PDE4D: variants seen among roughly 807,000 people sequenced by gnomAD.
PDE4D encodes the protein phosphodiesterase 4D.
Under a neutral mutation model 87.4 loss-of-function variants are expected in PDE4D, and 24 were observed. The observed-to-expected ratio is 0.27, with a 90% confidence interval of 0.20 to 0.39. The LOEUF (loss-of-function observed/expected upper bound fraction) is 0.39, where lower values mean the gene tolerates loss of function less well. PDE4D is among the 10% of genes least tolerant of loss of function. PDE4D has a pLI of 1.00. For missense variants in PDE4D, 714 were observed against 1,041.0 expected, an observed-to-expected ratio of 0.69 and a Z score of 4.32; for synonymous variants, 384 against 383.2, an observed-to-expected ratio of 1.00 and a Z score of -0.02.
chr5:60,211,373 G>A (rs1289501878), intron 1 of PDE4D, among the ~76,000 whole-genome samples: 1 of 151,724 alleles, frequency 6.6e-6, no homozygotes, highest in Non-Finnish European at 1.5e-5. Context: ...CAGGGCACTG[G>A]GGACGGGTCC....
intron 1 of PDE4D, among the ~76,000 whole-genome samples, chr5:59,794,686 AAAAC>A (rs869143190): frequency 1.3e-5 from 2 of 152,332 alleles, no homozygotes; most frequent in East Asian, 1.9e-4. Context: ...AAAATATAAT[AAAAC>A]AAACAAAACA....
intron 1 of PDE4D, among the ~76,000 whole-genome samples, chr5:59,418,885 A>G (rs536346425): frequency 6.6e-6 from 1 of 152,150 alleles, no homozygotes; most frequent in African/African-American, 2.4e-5. Context: ...CCTGGCCTCA[A>G]ATGATCTGCC....
intron 6 of PDE4D, among the ~76,000 whole-genome samples, chr5:59,017,375 C>T (rs1305398518): frequency 6.6e-6 from 1 of 152,098 alleles, no homozygotes. Context: ...TGATCAATGT[C>T]TAGGATGGAC....
intron 1 of PDE4D, among the ~76,000 whole-genome samples, chr5:60,495,431 T>C (rs1475448875): frequency 6.6e-6 from 1 of 152,160 alleles, no homozygotes; most frequent in Non-Finnish European, 1.5e-5. Context: ...TAGAGTAGAA[T>C]CTAGGAATCT....
At chr5:60,420,691 G>A (rs1488034358) in intron 1 of PDE4D, among the ~76,000 whole-genome samples, 1 of 152,238 alleles carries the variant, frequency 6.6e-6, no homozygotes, top group East Asian at 1.9e-4. Flanking sequence ...ATCTCATTGG[G>A]ACTGATTGGA....
At chr5:59,060,838 C>A (rs1763014519) in intron 5 of PDE4D, among the ~76,000 whole-genome samples, 1 of 152,096 alleles carries the variant, frequency 6.6e-6, no homozygotes, top group South Asian at 2.1e-4. Context: ...AAGAATCACC[C>A]TGGAGCTTCC....
chr5:58,980,690 G>C (rs1268638168), intron 11 of PDE4D, among the ~76,000 whole-genome samples: 1 of 152,020 alleles, frequency 6.6e-6, no homozygotes, highest in African/African-American at 2.4e-5. Flanking sequence ...TGAAATGGGG[G>C]GAAGGGTGGG....
At chr5:60,472,914 G>A (rs1407947751) in intron 1 of PDE4D, among the ~76,000 whole-genome samples, 1 of 152,018 alleles carries the variant, frequency 6.6e-6, no homozygotes, top group East Asian at 1.9e-4. Context: ...GAACACATTC[G>A]AGGTAGGCTA....
chr5:60,325,667 T>C (rs78947061), intron 1 of PDE4D, among the ~76,000 whole-genome samples: 1,781 of 152,280 alleles, frequency 0.012, 38 homozygotes, highest in African/African-American at 0.04. Flanking sequence ...TAATACAAAA[T>C]CAGTGTATCT....
intron 1 of PDE4D, among the ~76,000 whole-genome samples, chr5:59,638,388 CAAAAAAGGG>C (rs1047679697): frequency 6.6e-6 from 1 of 151,722 alleles, no homozygotes; most frequent in Admixed American, 6.6e-5. Flanking sequence ...TCAAGTCTAT[CAAAAAAGGG>C]GAAAAAGAAA....
chr5:59,715,362 T>C (rs948601801), intron 1 of PDE4D, among the ~76,000 whole-genome samples: 1 of 152,202 alleles, frequency 6.6e-6, no homozygotes, highest in Non-Finnish European at 1.5e-5. Flanking sequence ...CCCTACATGC[T>C]GAGCCTTCAC....
At chr5:59,715,016 C>G (rs1326153325) in intron 1 of PDE4D, among the ~76,000 whole-genome samples, 1 of 152,196 alleles carries the variant, frequency 6.6e-6, no homozygotes, top group Non-Finnish European at 1.5e-5. Flanking sequence ...GGCTTTTGGT[C>G]CCAACTATGG....
intron 1 of PDE4D, among the ~76,000 whole-genome samples, chr5:59,629,051 A>G (rs1831246979): frequency 6.6e-6 from 1 of 152,226 alleles, no homozygotes; most frequent in Non-Finnish European, 1.5e-5. Flanking sequence ...TCATGAGAAC[A>G]GCATGAGTGT....
chr5:59,356,745 A>G (rs1222858369), intron 1 of PDE4D: 1 of 1,565,920 alleles, frequency 6.4e-7, no homozygotes, highest in Admixed American at 1.9e-5. Flanking sequence ...CTACAAAAGG[A>G]AAAGAGTAAT....
intron 1 of PDE4D, among the ~76,000 whole-genome samples, chr5:59,319,514 T>C (rs546555165): frequency 6.6e-6 from 1 of 152,260 alleles, no homozygotes; most frequent in East Asian, 1.9e-4. Flanking sequence ...TAATTTTCCA[T>C]TGATTGGGAG....
At chr5:60,236,523 C>T (rs1402746256) in intron 1 of PDE4D, among the ~76,000 whole-genome samples, 1 of 151,888 alleles carries the variant, frequency 6.6e-6, no homozygotes, top group Non-Finnish European at 1.5e-5. Context: ...ATAGGCAGAA[C>T]AATGGCTCCC....
At chr5:59,175,379 G>A (rs1415038230) in intron 5 of PDE4D, among the ~76,000 whole-genome samples, 2 of 150,450 alleles carry the variant, frequency 1.3e-5, no homozygotes, top group Non-Finnish European at 3.0e-5. Context: ...TTAGCTTTAG[G>A]AACAAAAAAA....
At position 59,138,601 on chromosome 5, in the gene PDE4D, A is replaced by G. The variant is rs74555367; in HGVS notation, c.808+41994T>C. Among the ~76,000 whole-genome samples, 468 of 152,336 alleles carry G rather than the reference A, an allele frequency of 3.1e-3. 10 individuals carry two copies. In the East Asian group the frequency reaches 0.056, roughly 18 times the overall value. On this transcript the variant is annotated intron_variant, in intron 5 of 14. Coordinates refer to ENST00000340635, the MANE Select transcript of PDE4D (RefSeq NM_001104631.2). ...CTTCATTTGATATTATTCACAAGCC[A>G]TCTAGTCTCTTGCCTTCAACATTTT...
intron 5 of PDE4D, among the ~76,000 whole-genome samples, chr5:59,148,897 G>A (rs1052013565): frequency 6.6e-6 from 1 of 151,678 alleles, no homozygotes; most frequent in Non-Finnish European, 1.5e-5. Context: ...ATACACTAAC[G>A]ATATGTAACC....
Sources: gnomAD v4.1 joint callset for allele counts (sites outside exome capture counted in the v4.1 genomes callset) on GRCh38, gnomAD v4.1.1 for gene constraint, MANE v1.5 for transcripts, NCBI Gene and HGNC (gene_info 2026-07-23, HGNC 2026-07-21) for gene names.